The following KCNU1 variants were observed in gnomAD, a reference collection of about 807,000 sequenced individuals.
The protein encoded by KCNU1 is potassium channel subfamily U member 1.
In KCNU1, 93 loss-of-function variants were observed where a neutral mutation model predicts 126.8. The ratio of observed to expected loss-of-function variants is 0.73; its 90% CI spans 0.62 to 0.87. KCNU1 has a LOEUF of 0.87. Ranked by LOEUF, KCNU1 falls within the 40% of genes least tolerant of loss-of-function variation. The probability of loss-of-function intolerance (pLI) is 0.00; values close to 1 mark genes in which losing one functional copy is unlikely to be tolerated. For synonymous variants in KCNU1, 523 were observed against 494.2 expected (o/e 1.06, Z -0.77); for missense variants, 1,330 against 1,367.1 (o/e 0.97, Z 0.43).
At chr8:36,806,830 A>G (rs1393288410) in intron 5 of KCNU1, among the ~76,000 whole-genome samples, 1 of 152,214 alleles carries the variant, frequency 6.6e-6, no homozygotes, top group South Asian at 2.1e-4. Flanking sequence ...TGTAGCTTTT[A>G]TCAGTTTCGT....
chr8:36,871,467 C>A (rs1806101100), intron 19 of KCNU1, among the ~76,000 whole-genome samples: 2 of 151,804 alleles, frequency 1.3e-5, no homozygotes, highest in South Asian at 2.1e-4. Flanking sequence ...TAATCTGATT[C>A]TTTAGATTAA....
intron 19 of KCNU1, among the ~76,000 whole-genome samples, chr8:36,872,716 G>T (rs1458341640): frequency 6.6e-6 from 1 of 152,162 alleles, no homozygotes. Flanking sequence ...TCAAGGTCTG[G>T]AGAGTCACCA....
chr8:36,924,395 G>A (rs146895688), intron 24 of KCNU1, among the ~76,000 whole-genome samples: 3 of 152,304 alleles, frequency 2.0e-5, no homozygotes, highest in Admixed American at 6.5e-5. Context: ...AAGGGAGCAC[G>A]GCTGGGCATA....
At chr8:36,812,246 G>A (rs1458263776) in intron 7 of KCNU1, among the ~76,000 whole-genome samples, 3 of 151,790 alleles carry the variant, frequency 2.0e-5, no homozygotes, top group Non-Finnish European at 2.9e-5. Context: ...CAGGTGTGGT[G>A]GCAGGCACCT....
Position 36,935,786 on chromosome 8 carries a change from G to A in KCNU1, c.3316G>A (p.Ala1106Thr), listed in dbSNP as rs769651908. 2 of 1,613,168 alleles carry A rather than the reference G, an allele frequency of 1.2e-6. No individual in the cohort carries two copies. The highest frequency in any genetic ancestry group is 1.7e-6 in the Non-Finnish European group (2 of 1,179,518). The change falls in exon 27 of 27, where the codon GCA (alanine) becomes ACA (threonine). Residue 1106 changes from alanine (A) to threonine (T), a missense_variant. Ala to Thr is a moderately conservative substitution (Grantham distance 58). This residue lies in a region of KCNU1 where 1,054 missense variants were observed against 1,053.9 expected (regional missense o/e 1.00). Coordinates refer to ENST00000399881, the MANE Select transcript of KCNU1 (RefSeq NM_001031836.3). Reference sequence around the variant, plus strand: ...CTCCCTCTCTTTTCCTAAGCAAATAGCATGGAATCAGAGTAGAACAAACAG... The same window carrying A: ...CTCCCTCTCTTTTCCTAAGCAAATAACATGGAATCAGAGTAGAACAAACAG... ...TNSLSFPKQIAWNQSRTNSII... is the reference protein window; with the variant it reads ...TNSLSFPKQITWNQSRTNSII...
chr8:36,818,287 AT>A (rs1332840988), intron 10 of KCNU1, among the ~76,000 whole-genome samples: 5 of 152,100 alleles, frequency 3.3e-5, no homozygotes, highest in Admixed American at 3.3e-4. Flanking sequence ...TAATTTTGTA[AT>A]TTTCAATTTG....
intron 18 of KCNU1, among the ~76,000 whole-genome samples, chr8:36,849,091 C>A (rs1181040175): frequency 6.6e-6 from 1 of 152,056 alleles, no homozygotes; most frequent in Non-Finnish European, 1.5e-5. Flanking sequence ...CAAAAAGAAA[C>A]CCCATAGCCA....
chr8:36,929,426 C>CA (rs1428477721), intron 24 of KCNU1, among the ~76,000 whole-genome samples: 29 of 115,798 alleles, frequency 2.5e-4, no homozygotes, highest in African/African-American at 6.2e-4. Context: ...AACAAACAAA[C>CA]AAAAAAAAAC....
In KCNU1 at chr8:36,833,562, C is replaced by A; in HGVS notation, c.1115C>A (p.Pro372His). The A allele has an allele frequency of 6.2e-7, 1 of 1,605,960 alleles. No homozygotes were observed. Among genetic ancestry groups the A allele is most frequent in the South Asian group, 1.1e-5 (1 of 90,868 alleles). The change falls in exon 11 of 27, where the codon CCT becomes CAT. Residue 372 changes from proline to histidine, a missense_variant. Around this residue, in one of 3 missense-constraint regions of KCNU1, gnomAD observed 1,054 missense variants for 1,053.9 expected, o/e 1.00. Transcript: ENST00000399881. ...CGTTCTTTTTTGTCCAGAACCCCTC[C>A]TTCTTTGGAACTTGAAACCATATTT... is the stretch of plus-strand genomic sequence containing the variant. ...TEIVFLGETP[P>H]SLELETIFKC... is the part of the protein sequence containing the mutation.
Position 36,817,710 on chromosome 8 carries a change from C to T in KCNU1, c.1056C>T (p.Phe352=). 1 of 1,609,446 alleles carries T rather than the reference C, an allele frequency of 6.2e-7. No individual in the cohort carries two copies. Reference sequence around the variant, plus strand: ...GTGTGACCGCTTTCCTGAGGAATTTCCTCCGCGACAAGTCAGGAGAGATCA... The same window carrying T: ...GTGTGACCGCTTTCCTGAGGAATTTTCTCCGCGACAAGTCAGGAGAGATCA... ...VDSVTAFLRN[F]LRDKSGEINT... is the part of the protein sequence containing the mutation. Residue 352 remains phenylalanine, a synonymous_variant, in exon 10 of 27, where the codon TTC becomes TTT. Coordinates refer to ENST00000399881, the MANE Select transcript of KCNU1 (RefSeq NM_001031836.3).
chr8:36,861,698 A>C (rs902243194), intron 18 of KCNU1, among the ~76,000 whole-genome samples: 2 of 152,210 alleles, frequency 1.3e-5, no homozygotes, highest in Non-Finnish European at 2.9e-5. Flanking sequence ...AAATTGGAGA[A>C]GATTCGGGAT....
At chr8:36,854,943 A>C (rs1259025814) in intron 18 of KCNU1, among the ~76,000 whole-genome samples, 1 of 152,198 alleles carries the variant, frequency 6.6e-6, no homozygotes, top group African/African-American at 2.4e-5. Context: ...TAAGCTTATA[A>C]TTGGACAATG....
chr8:36,815,792 AAT>A (rs1803889025), intron 9 of KCNU1, 105 bp downstream of exon 9: 1 of 655,488 alleles, frequency 1.5e-6, no homozygotes, highest in Non-Finnish European at 2.7e-6. Context: ...ACCCAAGGTG[AAT>A]ATATCAGCAA....
At chr8:36,839,597 GTGTT>G (rs961161761) in intron 14 of KCNU1, among the ~76,000 whole-genome samples, 4 of 152,248 alleles carry the variant, frequency 2.6e-5, no homozygotes, top group Non-Finnish European at 5.9e-5. Context: ...GTTTGTCTAT[GTGTT>G]TGTTTTTGTT....
At chr8:36,787,678 A>C (rs1460703167) in intron 2 of KCNU1, among the ~76,000 whole-genome samples, 1 of 143,902 alleles carries the variant, frequency 6.9e-6, no homozygotes, top group Admixed American at 6.8e-5. Context: ...TATAATATTA[A>C]TATAAATCAT....
At chr8:36,788,334 T>C (rs990682019) in intron 2 of KCNU1, among the ~76,000 whole-genome samples, 1 of 152,204 alleles carries the variant, frequency 6.6e-6, no homozygotes, top group Admixed American at 6.5e-5. Context: ...AGTGAGCTCC[T>C]GTCTAGACTA....
chr8:36,814,747 C>G (rs1312033198), intron 8 of KCNU1, among the ~76,000 whole-genome samples: 1 of 152,198 alleles, frequency 6.6e-6, no homozygotes, highest in Non-Finnish European at 1.5e-5. Context: ...CCTCCCAGCT[C>G]AAATGAGTAA....
intron 5 of KCNU1, 136 bp from the exon 6 acceptor site, chr8:36,807,239 G>A (rs1803535561): frequency 1.5e-6 from 1 of 682,610 alleles, no homozygotes; most frequent in East Asian, 2.6e-5. Context: ...ATGCTGTTAA[G>A]CCTATAACAT....
chr8:36,867,792 C>T (rs991255348), intron 19 of KCNU1, among the ~76,000 whole-genome samples: 4 of 152,078 alleles, frequency 2.6e-5, no homozygotes, highest in African/African-American at 7.2e-5. Flanking sequence ...TTTTAATTCT[C>T]GTCTGTAATA....
Sources: allele counts gnomAD v4.1 joint callset (sites outside exome capture counted in the v4.1 genomes callset), GRCh38; gene constraint gnomAD v4.1.1; regional missense constraint gnomAD v4.1.1; transcripts MANE v1.5; gene names NCBI Gene and HGNC (gene_info 2026-07-23, HGNC 2026-07-21).